The following BBS9 variants were observed in gnomAD, a reference collection of about 807,000 sequenced individuals.
BBS9 encodes the protein protein PTHB1.
BBS9 carries 89 observed loss-of-function variants against 117.7 expected under a neutral mutation model. The observed-to-expected ratio is 0.76, with a 90% CI of 0.64 to 0.90. The LOEUF (loss-of-function observed/expected upper bound fraction) is 0.90. Among genes scored for constraint, BBS9 ranks in the 40% least tolerant of loss-of-function variants. The pLI is 0.00. For missense variants in BBS9, 982 were observed against 1,042.2 expected (o/e 0.94, Z 0.80); for synonymous variants, 379 against 370.9 (o/e 1.02, Z -0.25).
intron 9 of BBS9, among the ~76,000 whole-genome samples, chr7:33,280,905 G>GTTTT (rs748350404): frequency 0.014 from 699 of 48,582 alleles, 131 homozygotes; most frequent in African/African-American, 0.034. Context: ...TTAATTTGTC[G>GTTTT]TTTTTGTTTT....
intron 5 of BBS9, among the ~76,000 whole-genome samples, chr7:33,203,946 C>T (rs1166105656): frequency 6.6e-6 from 1 of 150,588 alleles, no homozygotes; most frequent in African/African-American, 2.4e-5. Flanking sequence ...TGGTCTCAAA[C>T]TCCTGACCTC....
chr7:33,139,096 T>C (rs1791040020), intron 1 of BBS9, among the ~76,000 whole-genome samples: 1 of 150,814 alleles, frequency 6.6e-6, no homozygotes, highest in Non-Finnish European at 1.5e-5. Context: ...CTACTAAAAA[T>C]ACAAAATTAG....
At chr7:33,230,698 T>C (rs536472525) in intron 5 of BBS9, among the ~76,000 whole-genome samples, 1 of 152,306 alleles carries the variant, frequency 6.6e-6, no homozygotes, top group African/African-American at 2.4e-5. Context: ...CCTGAGTTAC[T>C]TCACTAAGGA....
rs530907245 is a variant in BBS9, at chr7:33,169,763, C to T, written c.329-7715C>T. 4.3e-4 allele frequency among the ~76,000 whole-genome samples: 65 copies of T among 151,710 alleles called. No individual in the cohort carries two copies. In the South Asian group the frequency reaches 0.013, roughly 30 times the overall value. On this transcript the variant is annotated intron_variant, in intron 4 of 22. Coordinates refer to ENST00000242067, the MANE Select transcript of BBS9 (RefSeq NM_198428.3). ...AAATTGTCTCCCATTTTGTAGGTTG[C>T]CTGTTCACTCTGATGGTAGTTTCTT...
At chr7:33,585,759 C>T (rs1398089369) in intron 21 of BBS9, among the ~76,000 whole-genome samples, 1 of 152,050 alleles carries the variant, frequency 6.6e-6, no homozygotes, top group Non-Finnish European at 1.5e-5. Context: ...ATCTAGTTGT[C>T]TGGATTATCT....
intron 21 of BBS9, among the ~76,000 whole-genome samples, chr7:33,554,449 A>C (rs1854958719): frequency 6.6e-6 from 1 of 152,190 alleles, no homozygotes; most frequent in South Asian, 2.1e-4. Context: ...TTTAAAGGCT[A>C]GAATACACAG....
chr7:33,612,176 A>T (rs948018012), intron 21 of BBS9, among the ~76,000 whole-genome samples: 2 of 151,948 alleles, frequency 1.3e-5, no homozygotes, highest in African/African-American at 4.8e-5. Flanking sequence ...TATTTTACTA[A>T]GTCTTTTGGG....
rs752272497 is a variant in BBS9, at chr7:33,622,166, C to T, written c.2522-13011C>T. Among the ~76,000 whole-genome samples, 16 of 151,938 alleles carry T rather than the reference C, an allele frequency of 1.1e-4. 1 individual carries two copies. Among genetic ancestry groups the T allele is most frequent in the South Asian group, 4.2e-4 (2 of 4,812 alleles). On this transcript the variant is annotated intron_variant, in intron 21 of 21. Transcript: ENST00000671952. ...CAGAGGTTGCAGTGAGCTGAGATAGCGCCATTGCACTCCAGCCTCGGTGCT... is the reference window on the plus strand; with the variant it reads ...CAGAGGTTGCAGTGAGCTGAGATAGTGCCATTGCACTCCAGCCTCGGTGCT...
intron 2 of BBS9, among the ~76,000 whole-genome samples, chr7:33,152,356 C>T (rs1310157839): frequency 6.6e-6 from 1 of 152,082 alleles, no homozygotes; most frequent in African/African-American, 2.4e-5. Flanking sequence ...TAGAGTTGGC[C>T]TCTATGATGG....
intron 19 of BBS9, among the ~76,000 whole-genome samples, chr7:33,424,464 T>A (rs974415552): frequency 4.6e-5 from 7 of 152,188 alleles, no homozygotes; most frequent in African/African-American, 1.7e-4. Flanking sequence ...AGAGATGTTT[T>A]TTTTAAAAGG....
chr7:33,478,885 T>C (rs1842152808), intron 19 of BBS9, among the ~76,000 whole-genome samples: 1 of 151,700 alleles, frequency 6.6e-6, no homozygotes. Context: ...GTTTTTTTTT[T>C]TTTTTTTTTA....
chr7:33,339,092 A>G (rs1371133984), intron 10 of BBS9, among the ~76,000 whole-genome samples: 1 of 152,206 alleles, frequency 6.6e-6, no homozygotes, highest in Admixed American at 6.5e-5. Context: ...CAAATAAGAT[A>G]GAGGTTTCTT....
rs780417929 is a variant in BBS9, at chr7:33,367,765, A to G, written c.1694-2A>G. The G allele has an allele frequency of 1.2e-6, 2 of 1,613,530 alleles. No individual in the cohort carries two copies. The highest frequency in any genetic ancestry group is 1.7e-6 in the Non-Finnish European group (2 of 1,179,586). Reference sequence around the variant, plus strand: ...AAGGTGATTTCTCTCTTTTCTTTGTAGGTTTTGCCAGTCAGTCAGATGATG... The same window carrying G: ...AAGGTGATTTCTCTCTTTTCTTTGTGGGTTTTGCCAGTCAGTCAGATGATG... On this transcript the variant is annotated splice_acceptor_variant, in intron 16 of 22. Transcript: ENST00000242067. LOFTEE classifies it high-confidence loss of function.
At chr7:33,450,637 CT>C (rs1837668753) in intron 19 of BBS9, among the ~76,000 whole-genome samples, 1 of 152,174 alleles carries the variant, frequency 6.6e-6, no homozygotes, top group African/African-American at 2.4e-5. Flanking sequence ...TGTTGAGCAT[CT>C]TTTCCTATGC....
intron 20 of BBS9, among the ~76,000 whole-genome samples, chr7:33,528,845 A>G (rs1420382221): frequency 6.6e-6 from 1 of 152,214 alleles, no homozygotes; most frequent in Non-Finnish European, 1.5e-5. Context: ...GCATGGGAAT[A>G]CTTTCTTAGT....
Position 33,635,267 on chromosome 7 carries a change from G to A in BBS9, c.2612G>A (p.Ser871Asn), listed in dbSNP as rs1866089902. ...CTCCAGCTGATGGAGGGACCCAAAA[G>A]CTAAGCGGGGTCAATCAGACACCTT... The change falls in exon 22 of 22, where the codon AGC becomes AAC. Residue 871 changes from serine to asparagine, a missense_variant. By Grantham distance (46) the Ser-to-Asn change is conservative. Coordinates refer to the BBS9 transcript ENST00000671952. 1.3e-5 allele frequency among the ~76,000 whole-genome samples: 2 copies of A among 152,300 alleles called. No individual in the cohort carries two copies. Among genetic ancestry groups the A allele is most frequent in the South Asian group, 4.1e-4 (2 of 4,828 alleles).
intron 19 of BBS9, among the ~76,000 whole-genome samples, chr7:33,450,887 T>G (rs1007566418): frequency 1.3e-5 from 2 of 151,886 alleles, no homozygotes; most frequent in South Asian, 4.2e-4. Flanking sequence ...GTTTTTTTGT[T>G]TTTTTGTTTT....
chr7:33,335,073 G>T (rs1405840197), intron 9 of BBS9, among the ~76,000 whole-genome samples: 1 of 152,002 alleles, frequency 6.6e-6, no homozygotes, highest in Non-Finnish European at 1.5e-5. Flanking sequence ...TTAATGAAAT[G>T]ACTACCTGCC....
chr7:33,165,255 C>G (rs1795487657), intron 4 of BBS9, among the ~76,000 whole-genome samples: 1 of 152,158 alleles, frequency 6.6e-6, no homozygotes, highest in South Asian at 2.1e-4. Flanking sequence ...TCTGGCTGCC[C>G]TTAACATTTT....
Sources: gnomAD v4.1 joint callset for allele counts (sites outside exome capture counted in the v4.1 genomes callset) on GRCh38, gnomAD v4.1.1 for gene constraint, MANE v1.5 for transcripts, NCBI Gene and HGNC (gene_info 2026-07-23, HGNC 2026-07-21) for gene names.